PIBF1: variants seen among roughly 807,000 people sequenced by gnomAD.
PIBF1 encodes progesterone immunomodulatory binding factor 1, also known as progesterone-induced-blocking factor 1.
In PIBF1, 90 loss-of-function variants were observed where a neutral mutation model predicts 112.5. The ratio of observed to expected loss-of-function variants is 0.80; its 90% CI spans 0.67 to 0.95. The LOEUF (loss-of-function observed/expected upper bound fraction) is 0.95, where lower values mean the gene tolerates loss of function less well. Among genes scored for constraint, PIBF1 ranks in the 40% least tolerant of loss-of-function variants. PIBF1 has a pLI of 0.00. For synonymous variants in PIBF1, 301 were observed against 288.6 expected (o/e 1.04, Z -0.44); for missense variants, 915 against 852.3 (o/e 1.07, Z -0.92).
intron 3 of PIBF1, among the ~76,000 whole-genome samples, chr13:72,795,132 A>G (rs1445861154): frequency 1.3e-5 from 2 of 152,202 alleles, no homozygotes; most frequent in Admixed American, 6.5e-5. Context: ...AAGAATATCA[A>G]TTCTCTGTTT....
rs1188788461 is a variant in PIBF1 at position 72,832,069 on chromosome 13, G to A, written c.1098-3174G>A. On this transcript the variant is annotated intron_variant, in intron 8 of 17. Coordinates refer to ENST00000326291, the MANE Select transcript of PIBF1 (RefSeq NM_006346.4). ...TATCAGAGATTAGAATTGCAATTCC[G>A]GCCTTTTTTTTTTTTTTTTTTTTTT... Among the ~76,000 whole-genome samples the A allele has an allele frequency of 1.5e-4, 9 of 60,666 alleles. 1 individual carries two copies. In the East Asian group the frequency reaches 2.0e-3, roughly 13 times the overall value. The allele number at this position is 60,666 out of a possible 152,430, so 39.8% of individuals were successfully genotyped here. A position where few individuals can be genotyped will look rare whatever the true frequency, so the allele number is the denominator to read the frequency against.
At chr13:72,927,989 A>ATC (rs2041561991) in intron 13 of PIBF1, among the ~76,000 whole-genome samples, 1 of 49,458 alleles carries the variant, frequency 2.0e-5, no homozygotes, top group African/African-American at 1.2e-4. Flanking sequence ...ATATATATAT[A>ATC]CACACACATA....
rs375590454 is a variant in PIBF1 at position 72,913,647 on chromosome 13, CA to C, written c.1640-3428del. On this transcript the variant is annotated intron_variant, in intron 12 of 17. Transcript: ENST00000326291. ...AAAAATGAACCAGGCATGGTGGTGC[CA>C]GCTACATGGGAGGGTGAGGTGGGAT... Among the ~76,000 whole-genome samples, 166 of 151,914 alleles carry C rather than the reference CA, an allele frequency of 1.1e-3. 3 individuals are homozygous for C. In the East Asian group the frequency reaches 0.025, roughly 23 times the overall value.
chr13:72,957,194 G>A (rs749336647), intron 14 of PIBF1, among the ~76,000 whole-genome samples: 9 of 151,998 alleles, frequency 5.9e-5, no homozygotes, highest in Non-Finnish European at 7.4e-5. Context: ...GATATTATAC[G>A]AAAAAGATAC....
chr13:72,783,911 G>A (rs1242275696), intron 2 of PIBF1, among the ~76,000 whole-genome samples, 190 bp downstream of exon 2: 1 of 151,520 alleles, frequency 6.6e-6, no homozygotes, highest in Non-Finnish European at 1.5e-5. Flanking sequence ...GGGCTGGCAT[G>A]GTTAGGGGTG....
At chr13:72,982,383 C>T (rs1378510045) in intron 16 of PIBF1, among the ~76,000 whole-genome samples, 3 of 152,060 alleles carry the variant, frequency 2.0e-5, no homozygotes, top group Admixed American at 2.0e-4. Flanking sequence ...CTGCAGTGAG[C>T]AGTGATCGTG....
chr13:72,890,064 T>C (rs1173677274), intron 10 of PIBF1, among the ~76,000 whole-genome samples: 1 of 152,212 alleles, frequency 6.6e-6, no homozygotes, highest in African/African-American at 2.4e-5. Flanking sequence ...ACCATATACA[T>C]GCGTGGCTTA....
rs144996799 is a variant in PIBF1 at position 72,928,004 on chromosome 13, T to TATAC, written c.1731-3160_1731-3159insTACA. Among the ~76,000 whole-genome samples, 5 of 40,376 alleles carry TATAC rather than the reference T, an allele frequency of 1.2e-4. 1 individual carries two copies. Among genetic ancestry groups the TATAC allele is most frequent in the South Asian group, 1.0e-3 (1 of 962 alleles). 26.5% of individuals were successfully genotyped at this position (40,376 alleles called of 152,430 possible). On this transcript the variant is annotated intron_variant, in intron 13 of 17. Transcript: ENST00000326291. ...ATATATATATACACACACATATATA[T>TATAC]ACATATATATACATATATATACATA...
At chr13:72,786,303 A>T (rs572809339) in intron 2 of PIBF1, among the ~76,000 whole-genome samples, 6 of 152,324 alleles carry the variant, frequency 3.9e-5, no homozygotes, top group Admixed American at 1.3e-4. Context: ...TTTGACACAT[A>T]ATCATCATTG....
At chr13:72,979,000 G>T (rs2138960671) in intron 16 of PIBF1, among the ~76,000 whole-genome samples, 1 of 152,256 alleles carries the variant, frequency 6.6e-6, no homozygotes, top group Admixed American at 6.5e-5. Context: ...TTCAGCACCA[G>T]CCTGGACAAC....
chr13:72,854,241 GAAT>G, intron 10 of PIBF1, 86 bp downstream of exon 10: 1 of 818,058 alleles, frequency 1.2e-6, no homozygotes, highest in Non-Finnish European at 1.9e-6. Flanking sequence ...TTTAAGGAGA[GAAT>G]AATTTTCATT....
intron 14 of PIBF1, among the ~76,000 whole-genome samples, chr13:72,947,933 A>G (rs2042193145): frequency 1.3e-5 from 2 of 152,354 alleles, no homozygotes; most frequent in South Asian, 2.1e-4. Flanking sequence ...TTGCAGGAAC[A>G]TGGATGAAGC....
chr13:72,829,623 G>T (rs1001088739), intron 8 of PIBF1, among the ~76,000 whole-genome samples: 2 of 152,156 alleles, frequency 1.3e-5, no homozygotes, highest in African/African-American at 4.8e-5. Flanking sequence ...CCTCTGTTCT[G>T]TTCCATTGGT....
At chr13:72,838,925 A>G (rs2037480118) in intron 9 of PIBF1, among the ~76,000 whole-genome samples, 1 of 152,210 alleles carries the variant, frequency 6.6e-6, no homozygotes, top group Non-Finnish European at 1.5e-5. Flanking sequence ...TTTTGAACAA[A>G]CTAATTCGGT....
chr13:72,975,054 CTTTTTT>C (rs568515289), intron 16 of PIBF1, among the ~76,000 whole-genome samples: 1 of 136,064 alleles, frequency 7.3e-6, no homozygotes, highest in African/African-American at 2.7e-5. Flanking sequence ...GAAAAAGAAA[CTTTTTT>C]TTTTTTTTTT....
intron 13 of PIBF1, among the ~76,000 whole-genome samples, chr13:72,921,885 C>A (rs2041307404): frequency 6.6e-6 from 1 of 152,130 alleles, no homozygotes; most frequent in South Asian, 2.1e-4. Flanking sequence ...TTTTACTAGG[C>A]ACAATTTGAG....
chr13:72,804,052 C>G (rs1007800094), intron 5 of PIBF1, among the ~76,000 whole-genome samples: 1 of 152,108 alleles, frequency 6.6e-6, no homozygotes, highest in Non-Finnish European at 1.5e-5. Context: ...CATATATATA[C>G]TTATTGTTGG....
At chr13:72,844,789 A>ACGCACG (rs1240167613) in intron 9 of PIBF1, among the ~76,000 whole-genome samples, 3 of 119,562 alleles carry the variant, frequency 2.5e-5, no homozygotes, top group African/African-American at 7.6e-5. Flanking sequence ...ACACACACAC[A>ACGCACG]CACACACACA....
At chr13:72,979,237 C>T (rs977724573) in intron 16 of PIBF1, among the ~76,000 whole-genome samples, 1 of 152,158 alleles carries the variant, frequency 6.6e-6, no homozygotes, top group Admixed American at 6.5e-5. Flanking sequence ...CTTTCTTGAG[C>T]TTATCACTCA....
Sources: allele counts gnomAD v4.1 joint callset (sites outside exome capture counted in the v4.1 genomes callset), GRCh38; gene constraint gnomAD v4.1.1; transcripts MANE v1.5; gene names NCBI Gene and HGNC (gene_info 2026-07-23, HGNC 2026-07-21).